Variants in COL22A1 observed in about 807,000 individuals in gnomAD.
The protein encoded by COL22A1 is collagen alpha-1(XXII) chain.
A neutral mutation model predicts 248.9 loss-of-function variants in COL22A1; 221 were observed. The ratio of observed to expected loss-of-function variants is 0.89; its 90% confidence interval spans 0.80 to 0.99. COL22A1 has a LOEUF of 0.99. Ranked by LOEUF, COL22A1 falls within the 50% of genes least tolerant of loss-of-function variation. The pLI is 0.00. For missense variants in COL22A1, 2,240 were observed against 2,179.0 expected, an observed-to-expected ratio of 1.03 and a Z score of -0.56; for synonymous variants, 891 against 793.4, an observed-to-expected ratio of 1.12 and a Z score of -2.07.
At chr8:138,762,791 G>A (rs370934374) in intron 16 of COL22A1, among the ~76,000 whole-genome samples, 1 of 152,188 alleles carries the variant, frequency 6.6e-6, no homozygotes, top group Admixed American at 6.5e-5. Flanking sequence ...AGCCATGGGT[G>A]AGTGGGGTCT....
chr8:138,671,800 A>C (rs1327295271), intron 41 of COL22A1, among the ~76,000 whole-genome samples: 1 of 152,220 alleles, frequency 6.6e-6, no homozygotes, highest in African/African-American at 2.4e-5. Flanking sequence ...CAAGCAAACA[A>C]CACAAACTTA....
intron 3 of COL22A1, among the ~76,000 whole-genome samples, chr8:138,860,778 A>G (rs1033130962): frequency 6.6e-6 from 1 of 152,178 alleles, no homozygotes; most frequent in African/African-American, 2.4e-5. Context: ...ACTACACTCC[A>G]GCCTGGGCAA....
At chr8:138,823,861 C>G (rs1286080889) in intron 6 of COL22A1, among the ~76,000 whole-genome samples, 1 of 152,172 alleles carries the variant, frequency 6.6e-6, no homozygotes, top group South Asian at 2.1e-4. Flanking sequence ...ACATGGTACA[C>G]AGTGGCACTC....
chr8:138,666,180 T>C (rs73449686), intron 41 of COL22A1, among the ~76,000 whole-genome samples: 11,459 of 152,226 alleles, frequency 0.075, 470 homozygotes, highest in African/African-American at 0.079. Context: ...CTTCTCTCTT[T>C]CTCTTGAAAT....
chr8:138,760,164 G>A (rs1186114822), intron 18 of COL22A1, 79 bp downstream of exon 18: 1 of 1,263,702 alleles, frequency 7.9e-7, no homozygotes, highest in Non-Finnish European at 1.1e-6. Context: ...CCTTCCCTGA[G>A]CCTGGTTTGC....
intron 44 of COL22A1, among the ~76,000 whole-genome samples, chr8:138,658,512 A>G (rs1253527973): frequency 6.6e-6 from 1 of 152,182 alleles, no homozygotes; most frequent in Non-Finnish European, 1.5e-5. Context: ...GTGAGCTTCC[A>G]TGGTTGCAAC....
At chr8:138,609,741 GAT>G (rs1818712999) in intron 56 of COL22A1, among the ~76,000 whole-genome samples, 1 of 151,990 alleles carries the variant, frequency 6.6e-6, no homozygotes, top group South Asian at 2.1e-4. Flanking sequence ...TTGCAGAGAG[GAT>G]AAGGGCCAAG....
intron 52 of COL22A1, among the ~76,000 whole-genome samples, chr8:138,623,262 A>ATGTGTGTGTG (rs5895542): frequency 7.0e-6 from 1 of 143,494 alleles, no homozygotes; most frequent in African/African-American, 2.6e-5. Flanking sequence ...ATATATATTT[A>ATGTGTGTGTG]TGTGTGTGTG....
At chr8:138,803,595 A>G (rs932633099) in intron 10 of COL22A1, among the ~76,000 whole-genome samples, 4 of 152,062 alleles carry the variant, frequency 2.6e-5, no homozygotes, top group Middle Eastern at 3.2e-3. Context: ...TTCAATTTGT[A>G]TAACAAGTCC....
chr8:138,777,518 T>G (rs995726575), intron 15 of COL22A1, among the ~76,000 whole-genome samples: 1 of 152,146 alleles, frequency 6.6e-6, no homozygotes, highest in Non-Finnish European at 1.5e-5. Flanking sequence ...TCCCTCCCCT[T>G]GCCCACCACC....
intron 49 of COL22A1, 73 bp from the exon 50 acceptor site, chr8:138,630,821 T>C (rs1400722148): frequency 2.3e-6 from 3 of 1,279,306 alleles, no homozygotes; most frequent in Non-Finnish European, 3.4e-6. Context: ...CTGCTTTGAA[T>C]ACAAAGCAAT....
chr8:138,736,869 C>T (rs918230270), intron 23 of COL22A1, among the ~76,000 whole-genome samples: 18 of 152,162 alleles, frequency 1.2e-4, no homozygotes, highest in Middle Eastern at 3.2e-3. Flanking sequence ...TCAGTTTGAG[C>T]AGGGGAAGGA....
chr8:138,628,001 A>AGATAAGATACCTAT (rs1226751061), intron 50 of COL22A1, among the ~76,000 whole-genome samples: 1 of 152,188 alleles, frequency 6.6e-6, no homozygotes, highest in Non-Finnish European at 1.5e-5. Flanking sequence ...GATACCTACA[A>AGATAAGATACCTAT]AAGGTTAGGA....
rs775367913 is a variant in COL22A1 at position 138,724,608 on chromosome 8, C to A, written c.2247+7G>T. On this transcript the variant is annotated splice_region_variant and intron_variant, in intron 25 of 64. Coordinates refer to ENST00000303045, the MANE Select transcript of COL22A1 (RefSeq NM_152888.3). ...AGGGGAGCAGGAAGATGTTTCCGAA[C>A]ACTCACCGTGGGCCCAGGAGGTCCA... 3 of 1,613,950 alleles carry A rather than the reference C, an allele frequency of 1.9e-6. No individual in the cohort carries two copies. The highest frequency in any genetic ancestry group is 2.5e-6 in the Non-Finnish European group (3 of 1,179,860).
chr8:138,813,686 CGTTTCGTTCT>C (rs1212187864), intron 7 of COL22A1, among the ~76,000 whole-genome samples: 10 of 149,956 alleles, frequency 6.7e-5, no homozygotes, highest in Non-Finnish European at 1.3e-4. Flanking sequence ...TAAAGTCCAG[CGTTTCGTTCT>C]ACACTGAAGG....
Position 138,652,029 on chromosome 8 carries a change from ACTGACCCAGTT to A in COL22A1, c.3334-2262_3334-2252del, listed in dbSNP as rs368264347. On this transcript the variant is annotated intron_variant, in intron 45 of 64. Transcript: ENST00000303045. ...CCTGTGAGGGAGCTAGACTCAACTC[ACTGACCCAGTT>A]CTGGAATCCAGTGAGCATAGGGTGA... Among the ~76,000 whole-genome samples, 829 of 152,262 alleles carry A rather than the reference ACTGACCCAGTT, an allele frequency of 5.4e-3. 11 individuals are homozygous for A. The highest frequency in any genetic ancestry group is 0.019 in the African/African-American group (793 of 41,554).
At chr8:138,614,238 G>C (rs1819131178) in intron 55 of COL22A1, among the ~76,000 whole-genome samples, 2 of 152,166 alleles carry the variant, frequency 1.3e-5, no homozygotes, top group Admixed American at 1.3e-4. Context: ...AATCTCTCTT[G>C]AAGTTCTTTT....
At chr8:138,661,674 G>A (rs1823972921) in intron 43 of COL22A1, among the ~76,000 whole-genome samples, 1 of 152,208 alleles carries the variant, frequency 6.6e-6, no homozygotes, top group Admixed American at 6.5e-5. Context: ...AGCCATTCCA[G>A]GGAAGGGTCA....
At chr8:138,716,201 G>A in intron 29 of COL22A1, 26 bp downstream of exon 29, 1 of 1,556,844 alleles carries the variant, frequency 6.4e-7, no homozygotes. Context: ...GTTCCTGTGT[G>A]GGAGGAAGGA....
Sources: allele counts gnomAD v4.1 joint callset (sites outside exome capture counted in the v4.1 genomes callset), GRCh38; gene constraint gnomAD v4.1.1; transcripts MANE v1.5; gene names NCBI Gene and HGNC (gene_info 2026-07-23, HGNC 2026-07-21).